LNX1: variants seen among roughly 807,000 people sequenced by gnomAD.
The protein encoded by LNX1 is ligand of numb-protein X 1.
Under a neutral mutation model 68.4 loss-of-function variants are expected in LNX1, and 54 were observed. The observed-to-expected ratio is 0.79, with a 90% confidence interval of 0.63 to 0.99. The LOEUF (loss-of-function observed/expected upper bound fraction) is 0.99. Ranked by LOEUF, LNX1 falls within the 50% of genes least tolerant of loss-of-function variation. The pLI is 0.00. For missense variants in LNX1, 906 were observed against 926.4 expected (o/e 0.98, Z 0.29); for synonymous variants, 336 against 350.0 (o/e 0.96, Z 0.45).
chr4:53,620,559 A>T (rs1477886481), upstream of LNX1, among the ~76,000 whole-genome samples: 1 of 152,164 alleles, frequency 6.6e-6, no homozygotes, highest in Non-Finnish European at 1.5e-5. Flanking sequence ...AAAAGACATG[A>T]CTGAAGACTG....
upstream of LNX1, among the ~76,000 whole-genome samples, chr4:53,622,245 A>T (rs1240085095): frequency 6.6e-6 from 1 of 152,216 alleles, no homozygotes; most frequent in Non-Finnish European, 1.5e-5. Flanking sequence ...GATTTTGATT[A>T]AGAAATTTGG....
At chr4:53,631,861 C>CTT (rs562331667) in intron 1 of LNX1, among the ~76,000 whole-genome samples, 1 of 145,750 alleles carries the variant, frequency 6.9e-6, no homozygotes, top group African/African-American at 2.5e-5. Flanking sequence ...GAGCCTGAGC[C>CTT]TTTTTTTTTT....
At chr4:53,647,404 T>A (rs1347583839) in intron 1 of LNX1, among the ~76,000 whole-genome samples, 14 of 152,218 alleles carry the variant, frequency 9.2e-5, no homozygotes, top group African/African-American at 3.4e-4. Context: ...CCCTCTCTTT[T>A]TCTATAATTG....
intron 5 of LNX1, 79 bp from the exon 6 acceptor site, chr4:53,496,473 C>G (rs1335623933): frequency 6.7e-7 from 1 of 1,485,328 alleles, no homozygotes. Flanking sequence ...CACAGAAAAG[C>G]CAGGATCCTG....
chr4:53,523,593 T>A (rs1727400929), intron 2 of LNX1, among the ~76,000 whole-genome samples: 2 of 152,198 alleles, frequency 1.3e-5, no homozygotes, highest in South Asian at 2.1e-4. Context: ...GGCCTCAAGC[T>A]GTATGATTTT....
rs200607142 is a variant in LNX1, at chr4:53,540,216, T to TA, written c.381-31990dup. 4.7e-4 allele frequency among the ~76,000 whole-genome samples: 71 copies of TA among 150,338 alleles called. No individual in the cohort carries two copies. The East Asian group carries it at 0.012, about 26-fold the overall frequency. On this transcript the variant is annotated intron_variant, in intron 2 of 10. Transcript: ENST00000263925. ...AGACAACATGGCAAAACCCTGTCTC[T>TA]AAAAAAAAATACAAAAATTAGCCAG...
At chr4:53,467,527 A>G (rs1722778873) in intron 9 of LNX1, among the ~76,000 whole-genome samples, 1 of 152,230 alleles carries the variant, frequency 6.6e-6, no homozygotes. Context: ...AAGGCTTCAG[A>G]AGATCACACT....
At chr4:53,464,632 A>ATGTT (rs1424870383) in intron 9 of LNX1, among the ~76,000 whole-genome samples, 2 of 152,124 alleles carry the variant, frequency 1.3e-5, no homozygotes, top group Non-Finnish European at 2.9e-5. Flanking sequence ...AGGTATAGCA[A>ATGTT]TGTTTAATAT....
At chr4:53,627,924 G>A (rs760712970) in intron 1 of LNX1, among the ~76,000 whole-genome samples, 11 of 152,150 alleles carry the variant, frequency 7.2e-5, no homozygotes, top group Non-Finnish European at 1.3e-4. Context: ...GGTCAAGTGG[G>A]CCCTGGATTT....
intron 6 of LNX1, among the ~76,000 whole-genome samples, chr4:53,490,425 C>T (rs777606776): frequency 3.3e-4 from 50 of 152,294 alleles, no homozygotes; most frequent in Non-Finnish European, 5.3e-4. Flanking sequence ...TAAAATTGTA[C>T]TTAGTAGCTA....
chr4:53,601,524 C>T lies in LNX1; in HGVS notation c.-214-10009G>A, dbSNP rs150164447. Among the ~76,000 whole-genome samples the T allele has an allele frequency of 3.9e-5, 6 of 152,354 alleles. No homozygotes were observed. In the East Asian group the frequency reaches 7.7e-4, roughly 20 times the overall value. On this transcript the variant is annotated intron_variant, in intron 2 of 3. Coordinates refer to the LNX1 transcript ENST00000504299. ...GCTGCACCTGGACCAACACTGTTCGCGTTCTGGCCACCTGCCCATAAACTC... is the reference window on the plus strand; with the variant it reads ...GCTGCACCTGGACCAACACTGTTCGTGTTCTGGCCACCTGCCCATAAACTC...
chr4:53,467,689 C>T (rs1214165316), intron 9 of LNX1, among the ~76,000 whole-genome samples: 3 of 152,062 alleles, frequency 2.0e-5, no homozygotes, highest in Admixed American at 6.5e-5. Context: ...AACTATGTGA[C>T]GAATGCACAA....
chr4:53,586,960 G>A (rs1267138358), intron 1 of LNX1, among the ~76,000 whole-genome samples: 1 of 152,252 alleles, frequency 6.6e-6, no homozygotes, highest in East Asian at 1.9e-4. Flanking sequence ...ATGAGTGTAT[G>A]TGCAGCTGAA....
chr4:53,565,734 A>G (rs895364072), intron 2 of LNX1, among the ~76,000 whole-genome samples: 3 of 149,640 alleles, frequency 2.0e-5, no homozygotes, highest in South Asian at 2.1e-4. Flanking sequence ...AAAGGCAAAG[A>G]AGTTGAAAAC....
chr4:53,460,754 GGT>G lies in LNX1; in HGVS notation c.*151_*152del. ...ATTTTTTTGGAATCATATTTTCTGA[GGT>G]GTAACTGGCTTTCATTAGATGATCA... On this transcript the variant is annotated 3_prime_UTR_variant, in exon 11 of 11. Coordinates refer to ENST00000263925, the MANE Select transcript of LNX1 (RefSeq NM_001126328.3). 1.4e-6 allele frequency: 1 copy of G among 725,528 alleles called. No individual in the cohort carries two copies. Among genetic ancestry groups the G allele is most frequent in the Non-Finnish European group, 2.2e-6 (1 of 455,170 alleles). 44.9% of individuals were successfully genotyped at this position (725,528 alleles called of 1,614,324 possible).
At chr4:53,601,697 G>C (rs1733025606) in intron 2 of LNX1, among the ~76,000 whole-genome samples, 1 of 152,130 alleles carries the variant, frequency 6.6e-6, no homozygotes, top group African/African-American at 2.4e-5. Flanking sequence ...GCCCCCTAGA[G>C]GCAGCTGCAC....
At chr4:53,574,800 A>G (rs1484394805) in intron 1 of LNX1, among the ~76,000 whole-genome samples, 1 of 152,188 alleles carries the variant, frequency 6.6e-6, no homozygotes, top group African/African-American at 2.4e-5. Flanking sequence ...GAGATATGAT[A>G]TATAAAGCTC....
chr4:53,544,192 C>T (rs1157680709), intron 2 of LNX1, among the ~76,000 whole-genome samples: 1 of 151,258 alleles, frequency 6.6e-6, no homozygotes, highest in East Asian at 2.0e-4. Context: ...GCTGATTTCT[C>T]TCTCTCTCTC....
At chr4:53,564,498 G>C (rs1730507529) in intron 2 of LNX1, among the ~76,000 whole-genome samples, 1 of 152,164 alleles carries the variant, frequency 6.6e-6, no homozygotes, top group African/African-American at 2.4e-5. Context: ...GCTGTCTTCT[G>C]TCTCCCCACT....
Sources: allele counts gnomAD v4.1 joint callset (sites outside exome capture counted in the v4.1 genomes callset), GRCh38; gene constraint gnomAD v4.1.1; transcripts MANE v1.5; gene names NCBI Gene and HGNC (gene_info 2026-07-23, HGNC 2026-07-21).